Variants in CEP170B observed in about 807,000 individuals in gnomAD.
The protein encoded by CEP170B is centrosomal protein of 170 kDa protein B.
Under a neutral mutation model 120.6 loss-of-function variants are expected in CEP170B, and 55 were observed. That is an observed-to-expected ratio of 0.46 (90% CI 0.37 to 0.57). The LOEUF is 0.57. CEP170B is among the 20% of genes least tolerant of loss of function. The pLI is 0.00. For missense variants in CEP170B, 2,212 were observed against 2,253.3 expected (o/e 0.98, Z 0.37); for synonymous variants, 1,033 against 954.5 (o/e 1.08, Z -1.52).
rs751586515 is a variant in CEP170B, at chr14:104,882,694, C to A, written c.473-34C>A. 10 of 1,565,980 alleles carry A rather than the reference C, an allele frequency of 6.4e-6. No homozygotes were observed. The African/African-American group carries it at 6.8e-5, about 11-fold the overall frequency. ...CTGCTTTTCACACTGGGGGCCCCAG[C>A]AACACAGGGTCTGACCTCTCGCTCC... On this transcript the variant is annotated intron_variant, in intron 6 of 18. Transcript: ENST00000414716.
In CEP170B at chr14:104,872,353, T is replaced by G. The variant is rs866269935; in HGVS notation, c.105+3798T>G. On this transcript the variant is annotated intron_variant, in intron 2 of 18. Transcript: ENST00000414716. ...GCGTGGGTGTGCGTGTGTGTGCGTG[T>G]GTGTGCCGCGTGTGTGTGCCATGGG... is the stretch of plus-strand genomic sequence containing the variant. 2.7e-4 allele frequency among the ~76,000 whole-genome samples: 31 copies of G among 113,996 alleles called. 1 individual carries two copies. Among genetic ancestry groups the G allele is most frequent in the African/African-American group, 8.6e-4 (22 of 25,516 alleles). The allele number at this position is 113,996 out of a possible 152,430, so 74.8% of individuals were successfully genotyped here. A position where few individuals can be genotyped will look rare whatever the true frequency, so the allele number is the denominator to read the frequency against.
intron 10 of CEP170B, 147 bp downstream of exon 10, chr14:104,885,689 C>G (rs1176840925): frequency 1.7e-6 from 2 of 1,157,548 alleles, no homozygotes; most frequent in Admixed American, 3.0e-5. Context: ...CTGGGGCTTC[C>G]ATGAGGAGGG....
In CEP170B at chr14:104,894,848, G is replaced by A. The variant is rs1281856780; in HGVS notation, c.4555G>A (p.Ala1519Thr). 2 of 1,609,556 alleles carry A rather than the reference G, an allele frequency of 1.2e-6. No homozygotes were observed. The highest frequency in any genetic ancestry group is 1.7e-6 in the Non-Finnish European group (2 of 1,178,856). ...CCCACCCTCACCCGCCTCAGCCGAG[G>A]CCCTGCTGCCAGCCCTGCCCCTGAG... ...QSPPSPASAEALLPALPLRNF... is the reference protein window; with the variant it reads ...QSPPSPASAETLLPALPLRNF... Residue 1519 changes from alanine (A) to threonine (T), a missense_variant, in exon 19 of 19, where the codon GCC (alanine) becomes ACC (threonine). Coordinates refer to ENST00000414716, the MANE Select transcript of CEP170B (RefSeq NM_001112726.3).
At chr14:104,874,787 G>A (rs1895748929) in intron 2 of CEP170B, among the ~76,000 whole-genome samples, 1 of 148,152 alleles carries the variant, frequency 6.7e-6, no homozygotes, top group African/African-American at 2.5e-5. Context: ...ACCGTGGCTT[G>A]AGCCAGGCAC....
intron 5 of CEP170B, among the ~76,000 whole-genome samples, chr14:104,879,202 A>G (rs994596984): frequency 2.0e-5 from 3 of 152,020 alleles, no homozygotes; most frequent in Non-Finnish European, 4.4e-5. Flanking sequence ...AGGCTGGGGA[A>G]TTTGGTCTCT....
rs1222118539 is a variant in CEP170B at position 104,893,113 on chromosome 14, C to T, written c.4016C>T (p.Ser1339Leu). 2.5e-6 allele frequency: 4 copies of T among 1,609,358 alleles called. No homozygotes were observed. Among genetic ancestry groups the T allele is most frequent in the Admixed American group, 1.7e-5 (1 of 59,822 alleles). Residue 1339 changes from serine (S) to leucine (L), a missense_variant, in exon 14 of 19, where the codon TCG (serine) becomes TTG (leucine). Ser to Leu is a moderately radical substitution (Grantham distance 145). Transcript: ENST00000414716. ...AGCAACATGCCCAGCACCCCCGCCT[C>T]GACCATCTCTGCCCGGGAGGAGGTG... ...SLSNMPSTPA[S>L]TISAREELVQ...
chr14:104,887,023 CCT>C lies in CEP170B; in HGVS notation c.2789_2790del (p.Ser930Ter). On this transcript the variant is annotated frameshift_variant, in exon 12 of 19. Coordinates refer to ENST00000414716, the MANE Select transcript of CEP170B (RefSeq NM_001112726.3). LOFTEE classifies it high-confidence loss of function. Reference sequence around the variant, plus strand: ...CCCTGGCGGCCCTGGAGGCCCGACTCCTCTCTAATTCTGTGGATGCCGAGTGT... The same window carrying C: ...CCCTGGCGGCCCTGGAGGCCCGACTCCTCTAATTCTGTGGATGCCGAGTGT... Reference protein sequence around the residue: ...TALAALEARLLSNSVDAECEG... With the variant: ...TALAALEARLXSNSVDAECEG... The C allele has an allele frequency of 6.2e-7, 1 of 1,610,970 alleles. No homozygotes were observed. The highest frequency in any genetic ancestry group is 8.5e-7 in the Non-Finnish European group (1 of 1,179,834).
At chr14:104,872,952 C>T (rs557305691) in intron 2 of CEP170B, among the ~76,000 whole-genome samples, 1 of 152,370 alleles carries the variant, frequency 6.6e-6, no homozygotes, top group Admixed American at 6.5e-5. Context: ...CTGTGTTTGC[C>T]TGGCTGTTTC....
At chr14:104,876,228 C>G in intron 2 of CEP170B, 28 bp from the exon 3 acceptor site, 1 of 1,549,520 alleles carries the variant, frequency 6.5e-7, no homozygotes, top group Middle Eastern at 1.7e-4. Flanking sequence ...CCCTGGAGCA[C>G]CTGAGGGCTG....
rs5811157 is a variant in CEP170B, at chr14:104,872,489, CGTGTGTGT to C, written c.106-3763_106-3756del. Among the ~76,000 whole-genome samples the C allele has an allele frequency of 7.8e-5, 6 of 76,656 alleles. 1 individual carries two copies. Among genetic ancestry groups the C allele is most frequent in the Non-Finnish European group, 1.8e-4 (5 of 27,416 alleles). The allele number at this position is 76,656 out of a possible 152,430, so 50.3% of individuals were successfully genotyped here. On this transcript the variant is annotated intron_variant, in intron 2 of 18. Transcript: ENST00000414716. ...GTGTGCCGTGTGTGTGCGTGTGTGC[CGTGTGTGT>C]GTGCGTGTGTAAGTGTGCATGTGCA... is the stretch of plus-strand genomic sequence containing the variant.
intron 2 of CEP170B, among the ~76,000 whole-genome samples, chr14:104,874,227 T>C (rs1273320686): frequency 6.6e-6 from 1 of 152,126 alleles, no homozygotes; most frequent in Admixed American, 6.5e-5. Flanking sequence ...GAGGAGGTGA[T>C]GTCTGGCATC....
In CEP170B at chr14:104,887,267, A is replaced by G. The variant is rs1566869036; in HGVS notation, c.3028A>G (p.Arg1010Gly). 1 of 1,608,486 alleles carries G rather than the reference A, an allele frequency of 6.2e-7. No homozygotes were observed. The highest frequency in any genetic ancestry group is 8.5e-7 in the Non-Finnish European group (1 of 1,179,214). Residue 1010 changes from arginine to glycine, a missense_variant, in exon 12 of 19, where the codon AGG becomes GGG. Physicochemically the swap from Arg to Gly is moderately radical, Grantham distance 125. Transcript: ENST00000414716. ...LVSAREQSSE[R>G]QHHPLGPTDM... The stretch of plus-strand genomic sequence containing the variant: ...CAGTGCCCGTGAGCAGTCCTCAGAG[A>G]GGCAGCATCACCCACTTGGCCCGAC...
chr14:104,883,929 G>T lies in CEP170B; in HGVS notation c.1150G>T (p.Val384Leu), dbSNP rs777558393. 3.1e-6 allele frequency: 5 copies of T among 1,600,256 alleles called. No individual in the cohort carries two copies. The South Asian group carries it at 3.4e-5, about 11-fold the overall frequency. Reference sequence around the variant, plus strand: ...GCCCTTGGAGGCCAGCGGGGAGCAGGTGCGGCTGCAGAGGCAGATCAAGCG... The same window carrying T: ...GCCCTTGGAGGCCAGCGGGGAGCAGTTGCGGCTGCAGAGGCAGATCAAGCG... ...GVPLEASGEQ[V>L]RLQRQIKRDP... Residue 384 changes from valine (V) to leucine (L), a missense_variant, in exon 9 of 19, where the codon GTG becomes TTG. Around this residue, in one of 2 missense-constraint regions of CEP170B, gnomAD observed 2,166 missense variants for 2,166.7 expected, o/e 1.00. Transcript: ENST00000414716.
At position 104,894,591 on chromosome 14, in the gene CEP170B, G is replaced by A; in HGVS notation, c.4417+3G>A. 1 of 1,612,290 alleles carries A rather than the reference G, an allele frequency of 6.2e-7. No individual in the cohort carries two copies. Among genetic ancestry groups the A allele is most frequent in the Non-Finnish European group, 8.5e-7 (1 of 1,178,998 alleles). ...GCGGGTGCAGAAACAGCTGGAAGGT[G>A]AGTGTGGCCCAAGCCTGGGGCAGCA... On this transcript the variant is annotated splice_donor_region_variant and intron_variant, in intron 18 of 18. Coordinates refer to ENST00000414716, the MANE Select transcript of CEP170B (RefSeq NM_001112726.3).
chr14:104,894,616 A>G, intron 18 of CEP170B, 28 bp downstream of exon 18: 5 of 1,606,532 alleles, frequency 3.1e-6, no homozygotes, highest in Non-Finnish European at 4.3e-6. Flanking sequence ...CTGGGGCAGC[A>G]AGGGAGGCTG....
rs767283419 is a variant in CEP170B at position 104,883,516 on chromosome 14, C to T, written c.1051+8C>T. 6.5e-5 allele frequency: 99 copies of T among 1,528,410 alleles called. No homozygotes were observed. The highest frequency in any genetic ancestry group is 8.5e-5 in the Non-Finnish European group (96 of 1,133,376). The allele number at this position is 1,528,410 out of a possible 1,614,324, so 94.7% of individuals were successfully genotyped here. A position where few individuals can be genotyped will look rare whatever the true frequency, so the allele number is the denominator to read the frequency against. Reference sequence around the variant, plus strand: ...ACACCCGCACCCTGAAGGGTGAGTGCCCAGCTGGCGGCCGTGCCAGTCCCG... The same window carrying T: ...ACACCCGCACCCTGAAGGGTGAGTGTCCAGCTGGCGGCCGTGCCAGTCCCG... On this transcript the variant is annotated splice_region_variant and intron_variant, in intron 8 of 18. Transcript: ENST00000414716.
At position 104,886,025 on chromosome 14, in the gene CEP170B, C is replaced by G. The variant is rs556485542; in HGVS notation, c.1945-15C>G. The G allele has an allele frequency of 4.3e-5, 65 of 1,523,732 alleles. No homozygotes were observed. The highest frequency in any genetic ancestry group is 5.6e-5 in the Non-Finnish European group (64 of 1,134,504). The allele number at this position is 1,523,732 out of a possible 1,614,324, so 94.4% of individuals were successfully genotyped here. On this transcript the variant is annotated splice_polypyrimidine_tract_variant and intron_variant, in intron 10 of 18. Coordinates refer to ENST00000414716, the MANE Select transcript of CEP170B (RefSeq NM_001112726.3). ...GGGCTTGCGTGTGGAAACACTCCCA[C>G]CCTCCTCTCCACAGGGCCTCCCGGT... is the stretch of plus-strand genomic sequence containing the variant.
Position 104,865,279 on chromosome 14 carries a change from A to G in CEP170B, c.-262A>G, listed in dbSNP as rs1426534795. The G allele has an allele frequency of 1.4e-5, 2 of 143,278 alleles. No homozygotes were observed. Among genetic ancestry groups the G allele is most frequent in the Non-Finnish European group, 3.1e-5 (2 of 65,056 alleles). The allele number at this position is 143,278 out of a possible 1,614,324, so 8.9% of individuals were successfully genotyped here. ...GCTGAGCCTCCCGCAGACGTCAGGG[A>G]CCCGCGCGCGAGGCCGCCGGCGGCC... On this transcript the variant is annotated 5_prime_UTR_variant, in exon 1 of 19. Coordinates refer to ENST00000414716, the MANE Select transcript of CEP170B (RefSeq NM_001112726.3). This position sits in a 1 kb window ranked among gnomAD's most constrained non-coding sequence, Gnocchi z 6.7.
chr14:104,871,461 G>C (rs963769614), intron 2 of CEP170B, among the ~76,000 whole-genome samples: 1 of 142,558 alleles, frequency 7.0e-6, no homozygotes, highest in Non-Finnish European at 1.5e-5. Flanking sequence ...CTGGCTCTCC[G>C]GACCCGGCTC....
Sources: gnomAD v4.1 joint callset for allele counts (sites outside exome capture counted in the v4.1 genomes callset) on GRCh38, gnomAD v4.1.1 for gene constraint, gnomAD v4.1.1 regional missense constraint, Gnocchi (gnomAD v3.1) non-coding constraint, MANE v1.5 for transcripts, NCBI Gene and HGNC (gene_info 2026-07-23, HGNC 2026-07-21) for gene names.